Variants in KIAA1671 observed in about 807,000 individuals in gnomAD.
KIAA1671 encodes the protein KIAA1671, also known as uncharacterized protein KIAA1671.
A neutral mutation model predicts 131.2 loss-of-function variants in KIAA1671; 52 were observed. The ratio of observed to expected loss-of-function variants is 0.40; its 90% CI spans 0.32 to 0.50. The LOEUF is 0.50. Among genes scored for constraint, KIAA1671 ranks in the 20% least tolerant of loss-of-function variants. The pLI is 0.73. For synonymous variants in KIAA1671, 1,003 were observed against 961.6 expected, an observed-to-expected ratio of 1.04 and a Z score of -0.80; for missense variants, 2,360 against 2,364.2, an observed-to-expected ratio of 1.00 and a Z score of 0.04.
intron 1 of KIAA1671, among the ~76,000 whole-genome samples, chr22:24,997,193 C>G (rs555798041): frequency 5.3e-5 from 8 of 152,310 alleles, no homozygotes; most frequent in African/African-American, 1.7e-4. Flanking sequence ...AGGCATAAAA[C>G]AGTGGGGTTG....
chr22:25,181,791 G>C lies in KIAA1671; in HGVS notation c.5167G>C (p.Ala1723Pro), dbSNP rs1465206600. Residue 1723 changes from alanine to proline, a missense_variant, in exon 10 of 13, where the codon GCG becomes CCG. Ala to Pro is a conservative substitution (Grantham distance 27, BLOSUM62 -1). Around this residue, in one of 3 missense-constraint regions of KIAA1671, gnomAD observed 1,161 missense variants for 1,204.7 expected, o/e 0.96. Transcript: ENST00000358431. ...TGTCAGCCATCCTCAGAGGATGCCT[G>C]CGTTTCCAGGCATGGATCCGGCAGT... The part of the protein sequence containing the change: ...TPVSHPQRMP[A>P]FPGMDPAVLK... The C allele has an allele frequency of 1.3e-6, 2 of 1,551,616 alleles. No homozygotes were observed. The highest frequency in any genetic ancestry group is 2.4e-5 in the East Asian group (1 of 40,908).
At chr22:25,004,609 A>G (rs768546848) in intron 1 of KIAA1671, among the ~76,000 whole-genome samples, 146 of 152,120 alleles carry the variant, frequency 9.6e-4, no homozygotes, top group Admixed American at 2.9e-3. Context: ...TTTTAATTGT[A>G]TTTTATTTTT....
intron 2 of KIAA1671, among the ~76,000 whole-genome samples, chr22:25,026,909 G>T (rs1288997559): frequency 9.2e-5 from 14 of 152,102 alleles, no homozygotes; most frequent in African/African-American, 3.4e-4. Flanking sequence ...GAGAGAGGAG[G>T]TCCCCTGCTT....
chr22:25,145,918 C>A (rs150273980), intron 6 of KIAA1671, among the ~76,000 whole-genome samples: 1 of 148,754 alleles, frequency 6.7e-6, no homozygotes, highest in Non-Finnish European at 1.5e-5. Flanking sequence ...CCAGCCTGGG[C>A]GACAGAACAC....
At chr22:25,097,084 A>G (rs763946264) in intron 6 of KIAA1671, among the ~76,000 whole-genome samples, 4 of 152,214 alleles carry the variant, frequency 2.6e-5, no homozygotes, top group Non-Finnish European at 4.4e-5. Context: ...ACATTCCTAT[A>G]CAAGTCTTTG....
At chr22:25,071,702 A>G (rs1928838104) in intron 6 of KIAA1671, among the ~76,000 whole-genome samples, 1 of 152,074 alleles carries the variant, frequency 6.6e-6, no homozygotes, top group Non-Finnish European at 1.5e-5. Flanking sequence ...AGATGCAGAG[A>G]TGACTAAGAT....
chr22:24,972,789 C>T (rs1922693844), intron 1 of KIAA1671, among the ~76,000 whole-genome samples: 1 of 152,296 alleles, frequency 6.6e-6, no homozygotes. Flanking sequence ...TCAGTGCCTT[C>T]GTAGTCCTGA....
At position 25,049,262 on chromosome 22, in the gene KIAA1671, C is replaced by A; in HGVS notation, c.4428C>A (p.Ala1476=). The change falls in exon 6 of 13, where the codon GCC becomes GCA. Residue 1476 remains alanine, a synonymous_variant. Coordinates refer to ENST00000358431, the MANE Select transcript of KIAA1671 (RefSeq NM_001145206.2). ...VLPRDLEKED[A]PQEKERPLQQ... is the part of the protein sequence containing the mutation. ...CACGGGACCTGGAGAAGGAGGATGC[C>A]CCCCAGGAGAAGGAGCGACCGCTCC... 1.3e-6 allele frequency: 2 copies of A among 1,551,998 alleles called. No individual in the cohort carries two copies. Among genetic ancestry groups the A allele is most frequent in the Non-Finnish European group, 1.7e-6 (2 of 1,147,000 alleles).
At chr22:25,018,133 C>G (rs1925438215) in intron 1 of KIAA1671, among the ~76,000 whole-genome samples, 1 of 149,520 alleles carries the variant, frequency 6.7e-6, no homozygotes, top group Admixed American at 6.7e-5. Flanking sequence ...CTTCTATAAC[C>G]CCCCTGTCTG....
In KIAA1671 at chr22:25,093,782, C is replaced by CTG. The variant is rs1568951243; in HGVS notation, c.4530+44419_4530+44420insGT. The stretch of plus-strand genomic sequence containing the variant: ...TCTCTCTCTCTGTCTCTCTCTCTCT[C>CTG]TCTCTCTCTCTCTCTCTCTCTCTCT... On this transcript the variant is annotated intron_variant, in intron 6 of 12. Coordinates refer to ENST00000358431, the MANE Select transcript of KIAA1671 (RefSeq NM_001145206.2). Among the ~76,000 whole-genome samples, 24 of 127,032 alleles carry CTG rather than the reference C, an allele frequency of 1.9e-4. 1 individual carries two copies. The highest frequency in any genetic ancestry group is 6.1e-4 in the African/African-American group (19 of 31,344). 83.3% of individuals were successfully genotyped at this position (127,032 alleles called of 152,430 possible).
Position 25,040,913 on chromosome 22 carries a change from A to G in KIAA1671, c.3783A>G (p.Lys1261=). 1.3e-6 allele frequency: 2 copies of G among 1,504,528 alleles called. No homozygotes were observed. The highest frequency in any genetic ancestry group is 2.5e-5 in the East Asian group (1 of 40,510). The allele number at this position is 1,504,528 out of a possible 1,614,324, so 93.2% of individuals were successfully genotyped here. ...KEMPDTGGLW[K]PASSAEINHS... ...TGCCCGATACCGGGGGTCTCTGGAA[A>G]CCGGCCAGTTCTGCCGAAATAAATC... The change falls in exon 5 of 13, where the codon AAA becomes AAG. Residue 1261 remains lysine (K), a synonymous_variant. Coordinates refer to ENST00000358431, the MANE Select transcript of KIAA1671 (RefSeq NM_001145206.2).
At chr22:25,151,091 C>T (rs1477217201) in intron 6 of KIAA1671, among the ~76,000 whole-genome samples, 2 of 151,860 alleles carry the variant, frequency 1.3e-5, no homozygotes, top group African/African-American at 4.8e-5. Context: ...GCCTCGGCCT[C>T]CCAAAGTGCT....
intron 1 of KIAA1671, among the ~76,000 whole-genome samples, chr22:24,966,200 G>C (rs1452577584): frequency 3.9e-5 from 6 of 152,196 alleles, no homozygotes; most frequent in Non-Finnish European, 2.9e-5. Flanking sequence ...ACTTTGTGTT[G>C]ATAGTTCTTT....
intron 1 of KIAA1671, among the ~76,000 whole-genome samples, chr22:24,982,830 C>T (rs776137854): frequency 1.8e-4 from 27 of 152,114 alleles, no homozygotes; most frequent in Non-Finnish European, 3.5e-4. Context: ...GGACCCAAGT[C>T]CTTGCAGGAT....
chr22:24,959,935 C>G (rs1468601906), intron 1 of KIAA1671, among the ~76,000 whole-genome samples: 1 of 151,664 alleles, frequency 6.6e-6, no homozygotes, highest in Non-Finnish European at 1.5e-5. Context: ...GTCAGGAGTT[C>G]GAAACCAGCC....
intron 1 of KIAA1671, among the ~76,000 whole-genome samples, chr22:25,020,635 T>C (rs1925614437): frequency 6.6e-6 from 1 of 152,066 alleles, no homozygotes; most frequent in African/African-American, 2.4e-5. Context: ...GGAAGTGAGA[T>C]ATTGCAGCAC....
At chr22:25,153,221 C>T (rs1180244146) in intron 6 of KIAA1671, among the ~76,000 whole-genome samples, 1 of 152,146 alleles carries the variant, frequency 6.6e-6, no homozygotes, top group Non-Finnish European at 1.5e-5. Context: ...CCACACATCC[C>T]CCAAGAAACA....
intron 6 of KIAA1671, among the ~76,000 whole-genome samples, chr22:25,140,980 G>T (rs1474150844): frequency 6.6e-6 from 1 of 152,110 alleles, no homozygotes; most frequent in African/African-American, 2.4e-5. Context: ...ACTTGCTGTG[G>T]AACTTCCTAC....
chr22:25,175,511 C>T (rs560949066), intron 8 of KIAA1671: 9 of 152,316 alleles, frequency 5.9e-5, no homozygotes, highest in African/African-American at 1.9e-4. Flanking sequence ...GATTGGGGAA[C>T]CCCATTATAT....
Sources: allele counts gnomAD v4.1 joint callset (sites outside exome capture counted in the v4.1 genomes callset), GRCh38; gene constraint gnomAD v4.1.1; regional missense constraint gnomAD v4.1.1; transcripts MANE v1.5; gene names NCBI Gene and HGNC (gene_info 2026-07-23, HGNC 2026-07-21).